ITGA8: variants seen among roughly 807,000 people sequenced by gnomAD.
ITGA8 encodes integrin alpha-8.
In ITGA8, 91 loss-of-function variants were observed where a neutral mutation model predicts 142.3. That is an observed-to-expected ratio of 0.64 (90% CI 0.54 to 0.76). The LOEUF is 0.76. Among genes scored for constraint, ITGA8 ranks in the 30% least tolerant of loss-of-function variants. The pLI is 0.00. For missense variants in ITGA8, 1,406 were observed against 1,327.7 expected (o/e 1.06, Z -0.92); for synonymous variants, 505 against 485.2 (o/e 1.04, Z -0.54).
At position 15,519,361 on chromosome 10, in the gene ITGA8, A is replaced by G. The variant is rs753376737; in HGVS notation, c.3034T>C (p.Leu1012=). Residue 1012 remains leucine (L), a synonymous_variant, in exon 29 of 30, where the codon TTA becomes CTA. Coordinates refer to ENST00000378076, the MANE Select transcript of ITGA8 (RefSeq NM_003638.3). ...ATPNVSFSIP[L]WVIILAILLG... ...AGTATTGCTAGTATTATTACCCATA[A>G]TGGGATTGAGAAGGAAACATTCGGA... is the stretch of plus-strand genomic sequence containing the variant. The G allele has an allele frequency of 6.2e-7, 1 of 1,613,728 alleles. No individual in the cohort carries two copies. Among genetic ancestry groups the G allele is most frequent in the Non-Finnish European group, 8.5e-7 (1 of 1,179,698 alleles).
chr10:15,706,030 A>G (rs1237559506), intron 2 of ITGA8, among the ~76,000 whole-genome samples: 2 of 151,914 alleles, frequency 1.3e-5, no homozygotes, highest in African/African-American at 4.8e-5. Flanking sequence ...GGCCTTAAAT[A>G]TTATCTTTGT....
rs142900514 is a variant in ITGA8, at chr10:15,640,680, G to C, written c.1399+3350C>G. Reference sequence around the variant, plus strand: ...GCAATGAGATGCCTGGGTGGAAACTGGCAACAGCTAAGGAAAATCTAGGTA... The same window carrying C: ...GCAATGAGATGCCTGGGTGGAAACTCGCAACAGCTAAGGAAAATCTAGGTA... On this transcript the variant is annotated intron_variant, in intron 13 of 29. Transcript: ENST00000378076. 2.4e-3 allele frequency among the ~76,000 whole-genome samples: 366 copies of C among 152,310 alleles called. 2 individuals carry two copies. Among genetic ancestry groups the C allele is most frequent in the African/African-American group, 8.5e-3 (353 of 41,566 alleles).
intron 2 of ITGA8, among the ~76,000 whole-genome samples, chr10:15,701,172 G>T (rs371429839): frequency 6.6e-6 from 1 of 152,296 alleles, no homozygotes; most frequent in Admixed American, 6.5e-5. Flanking sequence ...GCATGGATGT[G>T]TATGTGTGAT....
Position 15,719,652 on chromosome 10 carries a change from G to T in ITGA8, c.120C>A (p.Asn40Lys). The T allele has an allele frequency of 6.6e-7, 1 of 1,524,178 alleles. No individual in the cohort carries two copies. Among genetic ancestry groups the T allele is most frequent in the South Asian group, 1.3e-5 (1 of 78,860 alleles). The allele number at this position is 1,524,178 out of a possible 1,614,324, so 94.4% of individuals were successfully genotyped here. Residue 40 changes from asparagine (N) to lysine (K), a missense_variant, in exon 1 of 30, where the codon AAC becomes AAA. Physicochemically the swap from Asn to Lys is moderately conservative, Grantham distance 94. Coordinates refer to ENST00000378076, the MANE Select transcript of ITGA8 (RefSeq NM_003638.3). Reference protein sequence around the residue: ...LLWSPACQAFNLDVEKLTVYS... With the variant: ...LLWSPACQAFKLDVEKLTVYS... ...ACACTGTGAGCTTTTCCACGTCCAGGTTGAACGCCTGACAGGCGGGGGACC... is the reference window on the plus strand; with the variant it reads ...ACACTGTGAGCTTTTCCACGTCCAGTTTGAACGCCTGACAGGCGGGGGACC...
At chr10:15,544,165 C>G (rs1421393329) in intron 27 of ITGA8, among the ~76,000 whole-genome samples, 1 of 152,078 alleles carries the variant, frequency 6.6e-6, no homozygotes, top group East Asian at 1.9e-4. Flanking sequence ...TGGCATGGTG[C>G]CAGGCACCTG....
At chr10:15,608,520 A>G (rs1027954363) in intron 15 of ITGA8, among the ~76,000 whole-genome samples, 2 of 152,178 alleles carry the variant, frequency 1.3e-5, no homozygotes, top group East Asian at 3.8e-4. Flanking sequence ...GGAAAATAGT[A>G]CAGGAGGTTA....
intron 2 of ITGA8, among the ~76,000 whole-genome samples, chr10:15,710,472 C>G (rs1835343135): frequency 6.6e-6 from 1 of 152,288 alleles, no homozygotes; most frequent in South Asian, 2.1e-4. Context: ...ATTTCTGAAA[C>G]ATGTATCCTG....
At chr10:15,581,830 G>T (rs1834413414) in intron 23 of ITGA8, among the ~76,000 whole-genome samples, 2 of 152,118 alleles carry the variant, frequency 1.3e-5, no homozygotes, top group African/African-American at 4.8e-5. Context: ...CAATAGAAGA[G>T]AATAGCAAAT....
intron 27 of ITGA8, among the ~76,000 whole-genome samples, chr10:15,547,502 G>A (rs988812518): frequency 1.3e-5 from 2 of 152,198 alleles, no homozygotes; most frequent in African/African-American, 2.4e-5. Context: ...AACCCAGGAG[G>A]CAGAGGTTGC....
rs182677777 is a variant in ITGA8, at chr10:15,544,736, G to A, written c.2880+3719C>T. ...CCCTTGTGTGGGTGCCTCGCCTACT[G>A]AATGAATATGACTGATATGTGCAAA... On this transcript the variant is annotated intron_variant, in intron 27 of 29. Coordinates refer to ENST00000378076, the MANE Select transcript of ITGA8 (RefSeq NM_003638.3). Among the ~76,000 whole-genome samples, 4 of 152,314 alleles carry A rather than the reference G, an allele frequency of 2.6e-5. No individual in the cohort carries two copies. In the East Asian group the frequency reaches 5.8e-4, roughly 22 times the overall value.
chr10:15,527,906 CTTTTTT>C (rs34758919), intron 28 of ITGA8, among the ~76,000 whole-genome samples: 2 of 78,036 alleles, frequency 2.6e-5, no homozygotes, highest in Non-Finnish European at 4.7e-5. Context: ...TTCGGCTGGG[CTTTTTT>C]TTTTTTTTTT....
chr10:15,682,395 A>C (rs951252262), intron 4 of ITGA8, among the ~76,000 whole-genome samples: 1 of 152,202 alleles, frequency 6.6e-6, no homozygotes, highest in South Asian at 2.1e-4. Context: ...CATGAACTAC[A>C]AAGAACCCCT....
At chr10:15,556,588 T>C (rs1833893563) in intron 26 of ITGA8, among the ~76,000 whole-genome samples, 1 of 152,204 alleles carries the variant, frequency 6.6e-6, no homozygotes, top group African/African-American at 2.4e-5. Context: ...GGTTATGTAA[T>C]AGGTGTATAT....
At chr10:15,713,954 A>G (rs893621603) in intron 2 of ITGA8, among the ~76,000 whole-genome samples, 4 of 152,036 alleles carry the variant, frequency 2.6e-5, no homozygotes, top group African/African-American at 9.7e-5. Context: ...TCTTTCTCAG[A>G]TGACTTCCAA....
rs77913297 is a variant in ITGA8, at chr10:15,689,249, T to C, written c.344-1211A>G. On this transcript the variant is annotated intron_variant, in intron 2 of 29. Coordinates refer to ENST00000378076, the MANE Select transcript of ITGA8 (RefSeq NM_003638.3). ...ATGGCAGACTAGAGGGGCCTAACAC[T>C]TGCTCCCTTACAAAAAAGGACCAAA... is the stretch of plus-strand genomic sequence containing the variant. 2.6e-3 allele frequency among the ~76,000 whole-genome samples: 400 copies of C among 152,238 alleles called. 2 individuals carry two copies. Among genetic ancestry groups the C allele is most frequent in the African/African-American group, 9.2e-3 (381 of 41,548 alleles).
At chr10:15,664,225 T>A (rs1292686006) in intron 8 of ITGA8, among the ~76,000 whole-genome samples, 1 of 152,110 alleles carries the variant, frequency 6.6e-6, no homozygotes, top group Non-Finnish European at 1.5e-5. Flanking sequence ...AGAAGTGAGG[T>A]CAGGGTTTAA....
intron 4 of ITGA8, 93 bp downstream of exon 4, chr10:15,683,911 G>A (rs1382456372): frequency 2.7e-6 from 4 of 1,458,954 alleles, no homozygotes; most frequent in Non-Finnish European, 3.8e-6. Flanking sequence ...AACCCTGTAA[G>A]TTATCAATGG....
chr10:15,690,119 A>G (rs940651676), intron 2 of ITGA8, among the ~76,000 whole-genome samples: 1 of 151,298 alleles, frequency 6.6e-6, no homozygotes, highest in African/African-American at 2.4e-5. Flanking sequence ...AGCAGCACCC[A>G]CCTCCCTTAA....
In ITGA8 at chr10:15,552,272, G is replaced by A. The variant is rs139822101; in HGVS notation, c.2767-3704C>T. Among the ~76,000 whole-genome samples the A allele has an allele frequency of 5.3e-3, 802 of 152,224 alleles. 4 individuals are homozygous for A. The highest frequency in any genetic ancestry group is 7.7e-3 in the Non-Finnish European group (523 of 68,010). ...CTGCCTCAGCCTCTGGAGTAGCTGG[G>A]ACTACAGGCGTCCGCCACCAGGCCT... is the stretch of plus-strand genomic sequence containing the variant. On this transcript the variant is annotated intron_variant, in intron 26 of 29. Coordinates refer to ENST00000378076, the MANE Select transcript of ITGA8 (RefSeq NM_003638.3).
Sources: gnomAD v4.1 joint callset for allele counts (sites outside exome capture counted in the v4.1 genomes callset) on GRCh38, gnomAD v4.1.1 for gene constraint, MANE v1.5 for transcripts, NCBI Gene and HGNC (gene_info 2026-07-23, HGNC 2026-07-21) for gene names.